The following CCDC18 variants were observed in gnomAD, a reference collection of about 807,000 sequenced individuals.
CCDC18 encodes the protein coiled-coil domain-containing protein 18.
In CCDC18, 157 loss-of-function variants were observed where a neutral mutation model predicts 196.0. The ratio of observed to expected loss-of-function variants is 0.80; its 90% confidence interval spans 0.70 to 0.91. The LOEUF (loss-of-function observed/expected upper bound fraction) is 0.91, where lower values mean the gene tolerates loss of function less well. CCDC18 is among the 40% of genes least tolerant of loss of function. The pLI is 0.00. For missense variants in CCDC18, 1,465 were observed against 1,611.6 expected, an observed-to-expected ratio of 0.91 and a Z score of 1.56; for synonymous variants, 482 against 529.2, an observed-to-expected ratio of 0.91 and a Z score of 1.22.
At chr1:93,248,898 G>A (rs897691282) in intron 23 of CCDC18, among the ~76,000 whole-genome samples, 1 of 151,262 alleles carries the variant, frequency 6.6e-6, no homozygotes, top group African/African-American at 2.4e-5. Flanking sequence ...GCTTGAGCCT[G>A]GGAAGTAGAG....
chr1:93,259,141 C>G lies in CCDC18; in HGVS notation c.3684+256C>G, dbSNP rs546636989. ...TATCACCTTGGGTAAGTTACTTAAC[C>G]TGTGTCTAAAATGGATATAATAATA... is the stretch of plus-strand genomic sequence containing the variant. On this transcript the variant is annotated intron_variant, in intron 26 of 28. Transcript: ENST00000690025. Among the ~76,000 whole-genome samples the G allele has an allele frequency of 5.0e-4, 76 of 152,214 alleles. 1 individual carries two copies. In the South Asian group the frequency reaches 0.015, roughly 31 times the overall value.
intron 13 of CCDC18, 36 bp from the exon 14 acceptor site, chr1:93,217,702 T>C (rs1656736027): frequency 1.3e-6 from 2 of 1,550,352 alleles, no homozygotes; most frequent in African/African-American, 2.8e-5. Context: ...GCCTCCCAAA[T>C]CAATTATACT....
intron 23 of CCDC18, among the ~76,000 whole-genome samples, chr1:93,253,445 C>T (rs920822704): frequency 1.3e-5 from 2 of 152,126 alleles, no homozygotes; most frequent in African/African-American, 4.8e-5. Flanking sequence ...CAGGATAGTT[C>T]CCTGATTGCA....
Position 93,246,942 on chromosome 1 carries a change from A to T in CCDC18, c.3186A>T (p.Glu1062Asp), listed in dbSNP as rs1297348359. ...AGAAATCAGAATTGGAACTTAAAGAATGTAACAAACAGGTAAATTATTTTA... is the reference window on the plus strand; with the variant it reads ...AGAAATCAGAATTGGAACTTAAAGATTGTAACAAACAGGTAAATTATTTTA... ...TLEKSELELK[E>D]CNKQIESLND... The change falls in exon 23 of 29, where the codon GAA becomes GAT. Residue 1062 changes from glutamate (E) to aspartate (D), a missense_variant. By Grantham distance (45) the Glu-to-Asp change is conservative. Coordinates refer to ENST00000690025, the MANE Select transcript of CCDC18 (RefSeq NM_001378204.1). 4 of 1,246,952 alleles carry T rather than the reference A, an allele frequency of 3.2e-6. No individual in the cohort carries two copies. The highest frequency in any genetic ancestry group is 3.4e-6 in the Non-Finnish European group (3 of 874,714). The allele number at this position is 1,246,952 out of a possible 1,614,324, so 77.2% of individuals were successfully genotyped here. A position where few individuals can be genotyped will look rare whatever the true frequency, so the allele number is the denominator to read the frequency against.
intron 3 of CCDC18, among the ~76,000 whole-genome samples, chr1:93,184,828 A>G (rs1232960700): frequency 2.0e-5 from 3 of 151,978 alleles, no homozygotes; most frequent in Non-Finnish European, 4.4e-5. Context: ...TTTGTAACGA[A>G]TCTGCTTAAT....
chr1:93,270,892 A>G (rs1349033120), intron 28 of CCDC18, 78 bp downstream of exon 28: 3 of 1,385,544 alleles, frequency 2.2e-6, no homozygotes, highest in Non-Finnish European at 2.8e-6. Context: ...GAAAATTCAT[A>G]TATTTAAATG....
rs749381469 is a variant in CCDC18, at chr1:93,201,949, C to A, written c.756C>A (p.Phe252Leu). Reference protein sequence around the residue: ...LYNAEELSKAFQQYKKKVAEK... With the variant: ...LYNAEELSKALQQYKKKVAEK... Reference sequence around the variant, plus strand: ...ATGCCGAAGAGCTGAGTAAAGCTTTCCAACAATATAAAAAAAAAGTGGCTG... The same window carrying A: ...ATGCCGAAGAGCTGAGTAAAGCTTTACAACAATATAAAAAAAAAGTGGCTG... Residue 252 changes from phenylalanine to leucine, a missense_variant, in exon 7 of 29, where the codon TTC (phenylalanine) becomes TTA (leucine). Transcript: ENST00000690025. 2.2e-5 allele frequency: 36 copies of A among 1,609,008 alleles called. No individual in the cohort carries two copies. The highest frequency in any genetic ancestry group is 2.7e-5 in the African/African-American group (2 of 74,672).
intron 26 of CCDC18, among the ~76,000 whole-genome samples, chr1:93,263,175 T>C (rs1012717645): frequency 3.3e-5 from 5 of 152,150 alleles, no homozygotes; most frequent in Admixed American, 2.6e-4. Context: ...AGAGGCTTCC[T>C]TGAAGATCTC....
rs368393287 is a variant in CCDC18 at position 93,273,099 on chromosome 1, G to C, written c.4353+2285G>C. 4.5e-3 allele frequency among the ~76,000 whole-genome samples: 686 copies of C among 151,216 alleles called. 8 individuals are homozygous for C. Among genetic ancestry groups the C allele is most frequent in the African/African-American group, 0.016 (639 of 41,168 alleles). On this transcript the variant is annotated intron_variant, in intron 28 of 28. Coordinates refer to ENST00000690025, the MANE Select transcript of CCDC18 (RefSeq NM_001378204.1). ...TCTTTTTTTTTTTGAGACGGAGTCT[G>C]GCTGTGTTGCCCAGGCTGGAGTGCA...
At chr1:93,214,721 A>G (rs1656209717) in intron 11 of CCDC18, 22 bp from the exon 12 acceptor site, 2 of 1,557,684 alleles carry the variant, frequency 1.3e-6, no homozygotes, top group South Asian at 1.1e-5. Context: ...ATTCAGAACA[A>G]TTTTCCTTTT....
intron 21 of CCDC18, among the ~76,000 whole-genome samples, chr1:93,245,233 A>G (rs1044808041): frequency 6.6e-6 from 1 of 152,202 alleles, no homozygotes; most frequent in African/African-American, 2.4e-5. Context: ...TAACAGATGA[A>G]TTGTGGAAGC....
chr1:93,195,857 C>T (rs1450963770), intron 6 of CCDC18, among the ~76,000 whole-genome samples: 2 of 152,130 alleles, frequency 1.3e-5, no homozygotes, highest in Non-Finnish European at 2.9e-5. Flanking sequence ...TTTATTCTAG[C>T]AGCACAAATA....
chr1:93,249,714 C>T (rs1384678151), intron 23 of CCDC18, among the ~76,000 whole-genome samples: 1 of 152,126 alleles, frequency 6.6e-6, no homozygotes, highest in Non-Finnish European at 1.5e-5. Flanking sequence ...AGGTAGAAAT[C>T]CTATCAAATA....
At chr1:93,179,928 G>C (rs998402077), upstream of CCDC18, 11 of 1,057,950 alleles carry the variant, frequency 1.0e-5, no homozygotes, top group Admixed American at 9.3e-5. Context: ...GAGCGGGCTG[G>C]CTTCCTGAAC....
intron 9 of CCDC18, 130 bp downstream of exon 9, chr1:93,207,528 TTC>T: frequency 1.5e-6 from 1 of 664,144 alleles, no homozygotes; most frequent in Non-Finnish European, 2.4e-6. Flanking sequence ...TGAATTTCTC[TTC>T]TGTCTAAATC....
intron 14 of CCDC18, among the ~76,000 whole-genome samples, chr1:93,219,781 A>G (rs563656889): frequency 3.0e-4 from 45 of 152,360 alleles, no homozygotes; most frequent in South Asian, 1.9e-3. Context: ...TGAGCTTAAC[A>G]GAAGAATGGA....
Position 93,236,338 on chromosome 1 carries a change from C to A in CCDC18, c.2551C>A (p.His851Asn), listed in dbSNP as rs1346917460. Residue 851 changes from histidine to asparagine, a missense_variant, in exon 19 of 29, where the codon CAT (histidine) becomes AAT (asparagine). Transcript: ENST00000690025. ...GGAGGAGAAATGTGAATCAGCTGCACATGAAGCAGATTTGAAAAGGCAAAA... is the reference window on the plus strand; with the variant it reads ...GGAGGAGAAATGTGAATCAGCTGCAAATGAAGCAGATTTGAAAAGGCAAAA... ...KMEEKCESAAHEADLKRQKVI... is the reference protein window; with the variant it reads ...KMEEKCESAANEADLKRQKVI... The A allele has an allele frequency of 2.5e-6, 4 of 1,581,820 alleles. No homozygotes were observed. Among genetic ancestry groups the A allele is most frequent in the Non-Finnish European group, 3.4e-6 (4 of 1,169,404 alleles).
At position 93,180,806 on chromosome 1, in the gene CCDC18, C is replaced by G; in HGVS notation, c.-49C>G. The G allele has an allele frequency of 7.3e-7, 1 of 1,367,822 alleles. No individual in the cohort carries two copies. The highest frequency in any genetic ancestry group is 1.1e-5 in the South Asian group (1 of 88,042). The allele number at this position is 1,367,822 out of a possible 1,614,324, so 84.7% of individuals were successfully genotyped here. On this transcript the variant is annotated 5_prime_UTR_variant, in exon 1 of 29. Coordinates refer to ENST00000690025, the MANE Select transcript of CCDC18 (RefSeq NM_001378204.1). The stretch of plus-strand genomic sequence containing the variant: ...CACGCGCAGGGGCCCGGGAAAGGGT[C>G]AGAGGCTTCCTAACGCAGACTCGAG...
At chr1:93,229,900 A>G (rs1312048078) in intron 17 of CCDC18, among the ~76,000 whole-genome samples, 3 of 152,208 alleles carry the variant, frequency 2.0e-5, no homozygotes, top group Non-Finnish European at 4.4e-5. Context: ...TGTTTTCTGC[A>G]TAAAGATTTT....
Sources: allele counts gnomAD v4.1 joint callset (sites outside exome capture counted in the v4.1 genomes callset), GRCh38; gene constraint gnomAD v4.1.1; transcripts MANE v1.5; gene names NCBI Gene and HGNC (gene_info 2026-07-23, HGNC 2026-07-21).